RBFOX1: variants seen among roughly 807,000 people sequenced by gnomAD.
The protein encoded by RBFOX1 is RNA binding protein fox-1 homolog 1.
Under a neutral mutation model 57.7 loss-of-function variants are expected in RBFOX1, and 8 were observed. That is an observed-to-expected ratio of 0.14 (90% CI 0.08 to 0.25). The LOEUF (loss-of-function observed/expected upper bound fraction) is 0.25, where lower values mean the gene tolerates loss of function less well. Among genes scored for constraint, RBFOX1 ranks in the 10% least tolerant of loss-of-function variants. The pLI is 1.00. For missense variants in RBFOX1, 611 were observed against 548.5 expected, an observed-to-expected ratio of 1.11 and a Z score of -1.14; for synonymous variants, 326 against 222.4, an observed-to-expected ratio of 1.47 and a Z score of -4.15.
chr16:7,227,237 A>C (rs1030258456), intron 4 of RBFOX1, among the ~76,000 whole-genome samples: 2 of 150,524 alleles, frequency 1.3e-5, no homozygotes, highest in African/African-American at 4.9e-5. Context: ...CATGTGCTCT[A>C]TCTGTATATC....
intron 3 of RBFOX1, among the ~76,000 whole-genome samples, chr16:5,607,944 G>T (rs2047645357): frequency 6.6e-6 from 1 of 152,160 alleles, no homozygotes; most frequent in South Asian, 2.1e-4. Flanking sequence ...ATGAGCATTG[G>T]GGTTGTTTGT....
intron 1 of RBFOX1, among the ~76,000 whole-genome samples, chr16:6,065,771 G>T (rs2095753439): frequency 6.6e-6 from 1 of 152,140 alleles, no homozygotes; most frequent in African/African-American, 2.4e-5. Flanking sequence ...GCTTATAACA[G>T]CCTCATGGGA....
At position 5,578,581 on chromosome 16, in the gene RBFOX1, A is replaced by G. The variant is rs745718319; in HGVS notation, c.259-20321A>G. Among the ~76,000 whole-genome samples the G allele has an allele frequency of 3.2e-4, 48 of 152,310 alleles. 1 individual carries two copies. Among genetic ancestry groups the G allele is most frequent in the South Asian group, 1.4e-3 (7 of 4,828 alleles). On this transcript the variant is annotated intron_variant, in intron 2 of 2. Transcript: ENST00000585867. ...TCAGGTACTTCCTGCAAACATTCCC[A>G]CACAGTGACTCCTGGCATGGGAGAA...
chr16:7,036,498 C>A lies in RBFOX1; in HGVS notation c.-15-15559C>A, dbSNP rs181920324. Among the ~76,000 whole-genome samples the A allele has an allele frequency of 2.0e-3, 310 of 151,918 alleles. 4 individuals are homozygous for A. Among genetic ancestry groups the A allele is most frequent in the Middle Eastern group, 0.014 (4 of 294 alleles). On this transcript the variant is annotated intron_variant, in intron 3 of 15. Transcript: ENST00000550418. ...GGCTGAGGCAGGCGGATTACAAGGG[C>A]AGGAGTTTGAGACCAGCCTGGGTGT...
chr16:7,051,192 A>C (rs182925574), intron 3 of RBFOX1, among the ~76,000 whole-genome samples: 1 of 152,194 alleles, frequency 6.6e-6, no homozygotes, highest in Non-Finnish European at 1.5e-5. Flanking sequence ...CAGCTTAACT[A>C]TTTTAGTTGA....
chr16:5,663,117 A>C (rs528031570), intron 3 of RBFOX1, among the ~76,000 whole-genome samples: 8 of 152,278 alleles, frequency 5.3e-5, no homozygotes, highest in Admixed American at 2.6e-4. Context: ...ACTGCTAAAC[A>C]CCGTACAACG....
chr16:5,458,603 C>G (rs903184615), intron 1 of RBFOX1, among the ~76,000 whole-genome samples: 1 of 152,190 alleles, frequency 6.6e-6, no homozygotes, highest in Admixed American at 6.5e-5. Context: ...ACTGGGCCAT[C>G]CCAGCCACAT....
chr16:6,197,218 C>T (rs1025352825), intron 1 of RBFOX1, among the ~76,000 whole-genome samples: 1 of 152,062 alleles, frequency 6.6e-6, no homozygotes, highest in Non-Finnish European at 1.5e-5. Flanking sequence ...CTCTGGTGGC[C>T]CCCAAGCATC....
intron 4 of RBFOX1, among the ~76,000 whole-genome samples, chr16:7,193,216 A>G (rs2085860952): frequency 6.6e-6 from 1 of 152,238 alleles, no homozygotes; most frequent in Non-Finnish European, 1.5e-5. Flanking sequence ...GAGAGAGAGT[A>G]TCAGAGCAGC....
At chr16:7,064,217 G>A (rs2055352577) in intron 4 of RBFOX1, among the ~76,000 whole-genome samples, 1 of 143,976 alleles carries the variant, frequency 6.9e-6, no homozygotes, top group African/African-American at 2.6e-5. Context: ...GGCCTAGGCT[G>A]GAGTGCAGTG....
chr16:6,315,221 T>A (rs2080923902), intron 1 of RBFOX1, among the ~76,000 whole-genome samples: 1 of 152,204 alleles, frequency 6.6e-6, no homozygotes. Flanking sequence ...TTGGCCATGG[T>A]CACAAAGTTA....
intron 3 of RBFOX1, among the ~76,000 whole-genome samples, chr16:6,757,253 C>G (rs939269085): frequency 5.3e-5 from 8 of 152,002 alleles, no homozygotes; most frequent in Admixed American, 4.6e-4. Flanking sequence ...CTCAAAAAGA[C>G]TAAAAATAGA....
intron 3 of RBFOX1, among the ~76,000 whole-genome samples, chr16:6,960,515 G>A (rs978351543): frequency 1.3e-4 from 20 of 152,010 alleles, no homozygotes; most frequent in Admixed American, 4.6e-4. Context: ...CCCTCAGTTT[G>A]GTCTGGGAAC....
At chr16:5,911,998 G>C (rs1035403313) in intron 4 of RBFOX1, among the ~76,000 whole-genome samples, 2 of 152,164 alleles carry the variant, frequency 1.3e-5, no homozygotes, top group African/African-American at 4.8e-5. Flanking sequence ...GAGACAGGAA[G>C]ACCAAAGGAG....
At chr16:5,958,690 A>G (rs1342640792) in intron 4 of RBFOX1, among the ~76,000 whole-genome samples, 1 of 152,204 alleles carries the variant, frequency 6.6e-6, no homozygotes, top group Non-Finnish European at 1.5e-5. Context: ...AAAAGTCTAA[A>G]TGCAGACCTG....
intron 3 of RBFOX1, among the ~76,000 whole-genome samples, chr16:5,745,270 A>G (rs1042478206): frequency 2.7e-4 from 41 of 151,890 alleles, no homozygotes; most frequent in African/African-American, 9.4e-4. Context: ...AAGGACATGA[A>G]CTCATCCTTT....
chr16:7,312,378 C>T (rs775650940), intron 4 of RBFOX1, among the ~76,000 whole-genome samples: 6 of 152,202 alleles, frequency 3.9e-5, no homozygotes, highest in Non-Finnish European at 1.5e-5. Context: ...GAAACTCTTT[C>T]TCAACAGCAG....
intron 3 of RBFOX1, among the ~76,000 whole-genome samples, chr16:5,841,682 T>G (rs1251920160): frequency 6.6e-6 from 1 of 152,188 alleles, no homozygotes; most frequent in Non-Finnish European, 1.5e-5. Context: ...GTCATGGGTG[T>G]CCTGTATTTA....
Position 6,115,727 on chromosome 16 carries a change from T to G in RBFOX1, c.-127+95735T>G, listed in dbSNP as rs568500233. Among the ~76,000 whole-genome samples the G allele has an allele frequency of 1.9e-3, 288 of 152,294 alleles. 3 individuals carry two copies. Among genetic ancestry groups the G allele is most frequent in the African/African-American group, 6.1e-3 (253 of 41,552 alleles). On this transcript the variant is annotated intron_variant, in intron 1 of 15. Coordinates refer to ENST00000550418, the MANE Select transcript of RBFOX1 (RefSeq NM_018723.4). ...ACTACTTATTGTTTATTTGTGAAGT[T>G]TATTTACCAAGCTACACAGTGGGCT...
Sources: gnomAD v4.1 joint callset for allele counts (sites outside exome capture counted in the v4.1 genomes callset) on GRCh38, gnomAD v4.1.1 for gene constraint, MANE v1.5 for transcripts, NCBI Gene and HGNC (gene_info 2026-07-23, HGNC 2026-07-21) for gene names.